Variants in CSMD1 observed in about 807,000 individuals in gnomAD.
CSMD1 encodes CUB and sushi domain-containing protein 1.
CSMD1 carries 213 observed loss-of-function variants against 417.5 expected under a neutral mutation model. The observed-to-expected ratio is 0.51, with a 90% CI of 0.46 to 0.57. CSMD1 has a LOEUF of 0.57. Among genes scored for constraint, CSMD1 ranks in the 20% least tolerant of loss-of-function variants. The probability of loss-of-function intolerance (pLI) is 0.00; values close to 1 mark genes in which losing one functional copy is unlikely to be tolerated. For synonymous variants in CSMD1, 2,862 were observed against 1,736.8 expected, an observed-to-expected ratio of 1.65 and a Z score of -16.11; for missense variants, 6,923 against 4,529.7, an observed-to-expected ratio of 1.53 and a Z score of -15.17.
At chr8:3,463,110 T>C (rs75401502) in intron 12 of CSMD1, among the ~76,000 whole-genome samples, 4,950 of 152,270 alleles carry the variant, frequency 0.033, 152 homozygotes, top group East Asian at 0.15. Context: ...TACAATTCCA[T>C]TGTCGCCAAG....
intron 11 of CSMD1, among the ~76,000 whole-genome samples, chr8:3,488,935 G>T (rs913026124): frequency 6.6e-6 from 1 of 151,930 alleles, no homozygotes; most frequent in Non-Finnish European, 1.5e-5. Flanking sequence ...TTTTAAAACC[G>T]AAAATGTATT....
At chr8:4,494,784 T>C (rs1801896000) in intron 2 of CSMD1, among the ~76,000 whole-genome samples, 1 of 152,184 alleles carries the variant, frequency 6.6e-6, no homozygotes, top group Non-Finnish European at 1.5e-5. Context: ...TGATTATATC[T>C]TTCTATAATT....
chr8:4,636,309 T>C (rs971399782), intron 2 of CSMD1, among the ~76,000 whole-genome samples: 3 of 152,106 alleles, frequency 2.0e-5, no homozygotes, highest in African/African-American at 4.8e-5. Context: ...TTGTTGACAA[T>C]TGAAAAAATA....
chr8:4,400,194 G>A lies in CSMD1; in HGVS notation c.415+19759C>T, dbSNP rs151137615. Among the ~76,000 whole-genome samples the A allele has an allele frequency of 7.2e-5, 11 of 152,318 alleles. No individual in the cohort carries two copies. The East Asian group carries it at 2.1e-3, about 29-fold the overall frequency. Reference sequence around the variant, plus strand: ...TTACTGATTAAATACAAGCCATAGAGAAAGCAGCTTGAAGCAAGCTTGGAA... The same window carrying A: ...TTACTGATTAAATACAAGCCATAGAAAAAGCAGCTTGAAGCAAGCTTGGAA... On this transcript the variant is annotated intron_variant, in intron 3 of 69. Transcript: ENST00000635120.
chr8:3,674,391 C>T (rs2624100), intron 7 of CSMD1, among the ~76,000 whole-genome samples: 136,717 of 152,134 alleles, frequency 0.9, 61,487 homozygotes, highest in Admixed American at 0.94. Flanking sequence ...GCCATAATTT[C>T]CTAAGCATTT....
intron 57 of CSMD1, among the ~76,000 whole-genome samples, chr8:2,970,437 C>T (rs1033149539): frequency 6.6e-6 from 1 of 152,120 alleles, no homozygotes; most frequent in Admixed American, 6.5e-5. Context: ...AGGCTGCAAA[C>T]CAGGGTTTAG....
At chr8:3,802,750 G>C (rs773255946) in intron 5 of CSMD1, among the ~76,000 whole-genome samples, 7 of 152,138 alleles carry the variant, frequency 4.6e-5, no homozygotes, top group Non-Finnish European at 1.0e-4. Context: ...CCAAAAGCGT[G>C]ATGCAAATGC....
intron 1 of CSMD1, among the ~76,000 whole-genome samples, chr8:4,689,231 G>A (rs1043972081): frequency 2.0e-5 from 3 of 152,166 alleles, no homozygotes; most frequent in Admixed American, 1.3e-4. Context: ...GATTTTGCAT[G>A]TATTAAACCA....
intron 2 of CSMD1, among the ~76,000 whole-genome samples, chr8:4,428,058 G>C (rs1041954772): frequency 1.3e-5 from 2 of 152,150 alleles, no homozygotes; most frequent in African/African-American, 4.8e-5. Flanking sequence ...AGACATGAAG[G>C]TTACATGTCT....
intron 1 of CSMD1, among the ~76,000 whole-genome samples, chr8:4,754,784 G>T (rs11781265): frequency 1.3e-5 from 2 of 151,912 alleles, no homozygotes; most frequent in Non-Finnish European, 1.5e-5. Context: ...AGGAAGCAGA[G>T]GTTGCAGTGA....
At chr8:4,936,184 G>C (rs1357382049) in intron 1 of CSMD1, among the ~76,000 whole-genome samples, 2 of 152,180 alleles carry the variant, frequency 1.3e-5, no homozygotes, top group East Asian at 1.9e-4. Context: ...ATTAAGTTGA[G>C]AGGCAGAAAT....
At chr8:4,772,582 C>G (rs996964469) in intron 1 of CSMD1, among the ~76,000 whole-genome samples, 1 of 151,970 alleles carries the variant, frequency 6.6e-6, no homozygotes, top group Admixed American at 6.6e-5. Context: ...TGAAAAATAT[C>G]AAAGTGTTTT....
chr8:4,770,239 A>G (rs1796532282), intron 1 of CSMD1, among the ~76,000 whole-genome samples: 1 of 148,506 alleles, frequency 6.7e-6, no homozygotes, highest in African/African-American at 2.4e-5. Context: ...ATACATATTC[A>G]TATATGTATT....
chr8:4,792,276 C>A (rs1279163764), intron 1 of CSMD1, among the ~76,000 whole-genome samples: 1 of 152,154 alleles, frequency 6.6e-6, no homozygotes. Flanking sequence ...CACATCCTAA[C>A]TACACCCCTA....
chr8:3,552,741 G>C (rs971038280), intron 10 of CSMD1, among the ~76,000 whole-genome samples: 2 of 152,100 alleles, frequency 1.3e-5, no homozygotes, highest in African/African-American at 2.4e-5. Context: ...TATGCTTTTA[G>C]TTTATATGAA....
At chr8:3,652,591 C>A (rs113139800) in intron 7 of CSMD1, among the ~76,000 whole-genome samples, 1 of 152,184 alleles carries the variant, frequency 6.6e-6, no homozygotes, top group South Asian at 2.1e-4. Flanking sequence ...ATGTCGTACA[C>A]GGTGACAGGC....
intron 23 of CSMD1, among the ~76,000 whole-genome samples, chr8:3,319,979 C>A (rs555955346): frequency 6.6e-6 from 1 of 152,220 alleles, no homozygotes; most frequent in African/African-American, 2.4e-5. Flanking sequence ...TAAGTCTCTA[C>A]CAGTGGCTTA....
chr8:3,284,415 T>TAAGC lies in CSMD1; in HGVS notation c.3951-73_3951-70dup, dbSNP rs1475649621. 5 of 1,210,822 alleles carry TAAGC rather than the reference T, an allele frequency of 4.1e-6. No individual in the cohort carries two copies. The African/African-American group carries it at 6.0e-5, about 14-fold the overall frequency. 75.0% of individuals were successfully genotyped at this position (1,210,822 alleles called of 1,614,324 possible). A position where few individuals can be genotyped will look rare whatever the true frequency, so the allele number is the denominator to read the frequency against. Reference sequence around the variant, plus strand: ...ATGTCCTGACCCCATAGCTGTAAAGTAAGCAAGCTCATTTCGCTTTCACAC... The same window carrying TAAGC: ...ATGTCCTGACCCCATAGCTGTAAAGTAAGCAAGCAAGCTCATTTCGCTTTCACAC... On this transcript the variant is annotated intron_variant, in intron 25 of 69. Coordinates refer to ENST00000635120, the MANE Select transcript of CSMD1 (RefSeq NM_033225.6).
At chr8:4,933,664 T>C (rs987153827) in intron 1 of CSMD1, among the ~76,000 whole-genome samples, 3 of 152,008 alleles carry the variant, frequency 2.0e-5, no homozygotes, top group Non-Finnish European at 4.4e-5. Flanking sequence ...AATGGATAGA[T>C]GAAAGGAAGG....
Sources: allele counts gnomAD v4.1 joint callset (sites outside exome capture counted in the v4.1 genomes callset), GRCh38; gene constraint gnomAD v4.1.1; transcripts MANE v1.5; gene names NCBI Gene and HGNC (gene_info 2026-07-23, HGNC 2026-07-21).